ARHGEF3: variants seen among roughly 807,000 people sequenced by gnomAD.
ARHGEF3 encodes 59.8 kDA protein.
Under a neutral mutation model 63.2 loss-of-function variants are expected in ARHGEF3, and 28 were observed. The ratio of observed to expected loss-of-function variants is 0.44; its 90% CI spans 0.33 to 0.61. The LOEUF (loss-of-function observed/expected upper bound fraction) is 0.61. ARHGEF3 is among the 20% of genes least tolerant of loss of function. The pLI, the probability that ARHGEF3 is intolerant of heterozygous loss-of-function variation, is 0.03. For missense variants in ARHGEF3, 533 were observed against 659.3 expected, an observed-to-expected ratio of 0.81 and a Z score of 2.10; for synonymous variants, 266 against 254.2, an observed-to-expected ratio of 1.05 and a Z score of -0.44.
chr3:57,052,353 G>A (rs560945407), intron 1 of ARHGEF3, among the ~76,000 whole-genome samples: 1 of 152,108 alleles, frequency 6.6e-6, no homozygotes, highest in African/African-American at 2.4e-5. Flanking sequence ...CTGGAGTGCA[G>A]TGGTGTGATC....
chr3:56,732,893 A>G (rs1336691739), intron 8 of ARHGEF3, among the ~76,000 whole-genome samples: 1 of 152,146 alleles, frequency 6.6e-6, no homozygotes, highest in Admixed American at 6.5e-5. Context: ...CACACCTGTA[A>G]TTCTAGCACT....
chr3:56,989,186 C>A (rs1701653069), intron 2 of ARHGEF3, among the ~76,000 whole-genome samples: 1 of 152,268 alleles, frequency 6.6e-6, no homozygotes, highest in East Asian at 1.9e-4. Context: ...CTATTTAGTT[C>A]TTTTTTAAAA....
intron 3 of ARHGEF3, among the ~76,000 whole-genome samples, chr3:56,906,135 T>A (rs1394073746): frequency 1.3e-5 from 2 of 151,704 alleles, no homozygotes; most frequent in Non-Finnish European, 2.9e-5. Flanking sequence ...AGTGCTGGGA[T>A]TACAGGTGTG....
intron 1 of ARHGEF3, among the ~76,000 whole-genome samples, chr3:57,077,938 C>G (rs916368320): frequency 1.1e-4 from 16 of 152,122 alleles, no homozygotes; most frequent in African/African-American, 3.9e-4. Context: ...TGTGTAAGCA[C>G]CACCAGCTCC....
chr3:56,734,151 G>C (rs2033436560), intron 8 of ARHGEF3, among the ~76,000 whole-genome samples: 1 of 152,154 alleles, frequency 6.6e-6, no homozygotes, highest in Admixed American at 6.5e-5. Context: ...TATGAAAGCA[G>C]GTGTGCTTGG....
chr3:56,935,576 C>T (rs1698852684), intron 3 of ARHGEF3, among the ~76,000 whole-genome samples: 1 of 152,254 alleles, frequency 6.6e-6, no homozygotes, highest in Non-Finnish European at 1.5e-5. Context: ...AGCGAGACTA[C>T]AAGCCCACCG....
chr3:56,757,068 T>C (rs1429878451), intron 2 of ARHGEF3, among the ~76,000 whole-genome samples: 1 of 152,232 alleles, frequency 6.6e-6, no homozygotes, highest in Non-Finnish European at 1.5e-5. Flanking sequence ...TGAGCCTTCA[T>C]CACAAAGGCA....
intron 1 of ARHGEF3, among the ~76,000 whole-genome samples, chr3:57,058,560 T>C (rs1445628050): frequency 1.3e-5 from 2 of 152,172 alleles, no homozygotes; most frequent in African/African-American, 4.8e-5. Flanking sequence ...GTAAACTAGT[T>C]CAACCATTGT....
chr3:56,868,382 A>T (rs1232118231), intron 4 of ARHGEF3, among the ~76,000 whole-genome samples: 3 of 149,290 alleles, frequency 2.0e-5, no homozygotes, highest in African/African-American at 4.9e-5. Context: ...TTTTCGAGAC[A>T]GAGTCTCGCT....
At chr3:56,962,733 T>C (rs1359028285) in intron 2 of ARHGEF3, among the ~76,000 whole-genome samples, 1 of 152,080 alleles carries the variant, frequency 6.6e-6, no homozygotes, top group Non-Finnish European at 1.5e-5. Context: ...TTGGGAAAGC[T>C]CATAATAGAA....
intron 1 of ARHGEF3, among the ~76,000 whole-genome samples, chr3:57,043,120 A>C (rs1704298032): frequency 6.6e-6 from 1 of 151,246 alleles, no homozygotes; most frequent in Non-Finnish European, 1.5e-5. Context: ...TGTACCACTA[A>C]CATTTTTTTT....
At chr3:56,764,097 T>G (rs1049638713) in intron 2 of ARHGEF3, among the ~76,000 whole-genome samples, 2 of 152,090 alleles carry the variant, frequency 1.3e-5, no homozygotes, top group African/African-American at 4.8e-5. Context: ...TCATAATCAA[T>G]AAATGTCAAA....
intron 7 of ARHGEF3, among the ~76,000 whole-genome samples, chr3:56,742,277 A>G (rs2034087375): frequency 1.3e-5 from 2 of 152,172 alleles, no homozygotes; most frequent in South Asian, 4.1e-4. Flanking sequence ...TTAAAACACT[A>G]AACAACCAAG....
chr3:56,856,203 C>T lies in ARHGEF3; in HGVS notation c.192+26089G>A, dbSNP rs554770244. Among the ~76,000 whole-genome samples, 9 of 151,998 alleles carry T rather than the reference C, an allele frequency of 5.9e-5. No homozygotes were observed. In the South Asian group the frequency reaches 8.3e-4, roughly 14 times the overall value. ...AAGATACCAAGCCACATAAAATACA[C>T]GTAACTCGGGGATAAAAAGGAAGCG... On this transcript the variant is annotated intron_variant, in intron 4 of 12. Transcript: ENST00000338458.
At chr3:56,921,103 A>G (rs903553288) in intron 3 of ARHGEF3, among the ~76,000 whole-genome samples, 7 of 149,034 alleles carry the variant, frequency 4.7e-5, no homozygotes, top group Middle Eastern at 3.5e-3. Flanking sequence ...AGTGGCTCAC[A>G]CCTGTAATCC....
At chr3:56,767,150 A>C (rs1202379591) in intron 2 of ARHGEF3, among the ~76,000 whole-genome samples, 1 of 146,166 alleles carries the variant, frequency 6.8e-6, no homozygotes, top group Non-Finnish European at 1.5e-5. Flanking sequence ...GTCTCTATTA[A>C]AAAAAAAAAA....
At chr3:57,028,751 C>T (rs953761471) in intron 2 of ARHGEF3, among the ~76,000 whole-genome samples, 6 of 111,444 alleles carry the variant, frequency 5.4e-5, no homozygotes, top group Non-Finnish European at 1.2e-4. Context: ...ATCTGTAAAA[C>T]GGGGTGAACA....
At chr3:57,065,825 C>G (rs561543119) in intron 1 of ARHGEF3, among the ~76,000 whole-genome samples, 1 of 152,096 alleles carries the variant, frequency 6.6e-6, no homozygotes, top group Non-Finnish European at 1.5e-5. Flanking sequence ...GCACACACAG[C>G]CCCCTACAGC....
At chr3:56,735,258 T>G (rs993752903) in intron 8 of ARHGEF3, among the ~76,000 whole-genome samples, 2 of 152,210 alleles carry the variant, frequency 1.3e-5, no homozygotes, top group Non-Finnish European at 2.9e-5. Flanking sequence ...CACTCCAGCC[T>G]GGGCAACAGA....
Sources: gnomAD v4.1 joint callset for allele counts (sites outside exome capture counted in the v4.1 genomes callset) on GRCh38, gnomAD v4.1.1 for gene constraint, MANE v1.5 for transcripts, NCBI Gene and HGNC (gene_info 2026-07-23, HGNC 2026-07-21) for gene names.